ZFHX3: variants seen among roughly 807,000 people sequenced by gnomAD.
ZFHX3 encodes zinc finger homeobox 3.
ZFHX3 carries 42 observed loss-of-function variants against 279.1 expected under a neutral mutation model. That is an observed-to-expected ratio of 0.15 (90% CI 0.12 to 0.19). The LOEUF is 0.19. Among genes scored for constraint, ZFHX3 ranks in the 10% least tolerant of loss-of-function variants. The probability of loss-of-function intolerance (pLI) is 1.00; values close to 1 mark genes in which losing one functional copy is unlikely to be tolerated. For missense variants in ZFHX3, 4,981 were observed against 4,754.0 expected, an observed-to-expected ratio of 1.05 and a Z score of -1.40; for synonymous variants, 2,293 against 1,957.8, an observed-to-expected ratio of 1.17 and a Z score of -4.52.
chr16:72,926,822 T>C (rs995977911), intron 3 of ZFHX3, among the ~76,000 whole-genome samples: 2 of 152,230 alleles, frequency 1.3e-5, no homozygotes, highest in Non-Finnish European at 2.9e-5. Flanking sequence ...GGGTCTATCC[T>C]GGCCAACCTC....
At position 72,788,509 on chromosome 16, in the gene ZFHX3, A is replaced by G; in HGVS notation, c.9767T>C (p.Val3256Ala). Reference protein sequence around the residue: ...AHKGKGEPLPVPKKEKGEAPT... With the variant: ...AHKGKGEPLPAPKKEKGEAPT... The stretch of plus-strand genomic sequence containing the variant: ...GGCCTCTCCTTTCTCCTTCTTGGGG[A>G]CAGGCAGGGGTTCCCCTTTCCCTTT... The change falls in exon 10 of 10, where the codon GTC (valine) becomes GCC (alanine). Residue 3256 changes from valine to alanine, a missense_variant. By Grantham distance (64) the Val-to-Ala change is moderately conservative. Transcript: ENST00000268489. The G allele has an allele frequency of 6.2e-7, 1 of 1,614,054 alleles. No individual in the cohort carries two copies. Among genetic ancestry groups the G allele is most frequent in the South Asian group, 1.1e-5 (1 of 91,084 alleles).
Position 72,883,060 on chromosome 16 carries a change from T to C in ZFHX3, c.3448+6671A>G, listed in dbSNP as rs3812981. ...TGTGTGTGTGTGTGTGTGTAGCGGG[T>C]AGTGGGGAGGACACACTAGCATATA... On this transcript the variant is annotated intron_variant, in intron 4 of 9. Transcript: ENST00000268489. Among the ~76,000 whole-genome samples the C allele has an allele frequency of 7.3e-3, 751 of 102,676 alleles. 18 individuals carry two copies. Among genetic ancestry groups the C allele is most frequent in the East Asian group, 0.072 (244 of 3,400 alleles). The allele number at this position is 102,676 out of a possible 152,430, so 67.4% of individuals were successfully genotyped here.
intron 2 of ZFHX3, among the ~76,000 whole-genome samples, chr16:73,505,759 T>C (rs926237878): frequency 6.6e-6 from 1 of 152,228 alleles, no homozygotes; most frequent in African/African-American, 2.4e-5. Flanking sequence ...ACTGTAAGAC[T>C]GTCCTGCCTG....
In ZFHX3 at chr16:73,568,963, T is replaced by C. The variant is rs2020491146; in HGVS notation, c.-1547+111217A>G. Among the ~76,000 whole-genome samples, 2 of 151,964 alleles carry C rather than the reference T, an allele frequency of 1.3e-5. 1 individual carries two copies. The highest frequency in any genetic ancestry group is 4.2e-4 in the South Asian group (2 of 4,794). On this transcript the variant is annotated intron_variant, in intron 2 of 17. Coordinates refer to the ZFHX3 transcript ENST00000641206. ...TGTCATGTGCCTCCGGCGACTCAAC[T>C]TCACAGCTAAACTTCTCCAGCCCAG...
At chr16:73,586,607 T>C (rs932859003) in intron 2 of ZFHX3, among the ~76,000 whole-genome samples, 1 of 152,158 alleles carries the variant, frequency 6.6e-6, no homozygotes, top group Non-Finnish European at 1.5e-5. Context: ...ATGTACTTCA[T>C]GACACAGCCT....
chr16:73,070,715 T>C (rs1965811958), intron 8 of ZFHX3, among the ~76,000 whole-genome samples: 1 of 148,240 alleles, frequency 6.7e-6, no homozygotes, highest in Non-Finnish European at 1.5e-5. Flanking sequence ...TCATTGTCTC[T>C]CTCTCTCTCT....
chr16:73,072,065 A>T (rs189182043), intron 8 of ZFHX3, among the ~76,000 whole-genome samples: 31 of 152,308 alleles, frequency 2.0e-4, no homozygotes, highest in Admixed American at 2.0e-3. Flanking sequence ...CTTAGGGGTA[A>T]ATTCATAATC....
At chr16:73,134,256 G>A (rs760411780) in intron 6 of ZFHX3, among the ~76,000 whole-genome samples, 5 of 151,030 alleles carry the variant, frequency 3.3e-5, no homozygotes, top group Non-Finnish European at 5.9e-5. Flanking sequence ...TAGCAGGATC[G>A]GAACAGACTT....
At chr16:73,233,904 G>C (rs778922645) in intron 5 of ZFHX3, 1 of 152,128 alleles carries the variant, frequency 6.6e-6, no homozygotes, top group Non-Finnish European at 1.5e-5. Flanking sequence ...TACATTCCAA[G>C]TTTCCTGAGC....
At chr16:73,520,612 C>A (rs2019593631) in intron 2 of ZFHX3, among the ~76,000 whole-genome samples, 1 of 152,192 alleles carries the variant, frequency 6.6e-6, no homozygotes, top group Non-Finnish European at 1.5e-5. Context: ...AGTCTACTGT[C>A]TCACGCATTC....
chr16:73,859,215 G>A (rs2142388107), intron 1 of ZFHX3, among the ~76,000 whole-genome samples: 1 of 152,282 alleles, frequency 6.6e-6, no homozygotes, highest in Non-Finnish European at 1.5e-5. Flanking sequence ...ACATCCCCCA[G>A]TTCCTACTTC....
chr16:73,784,336 A>G (rs183562773), intron 1 of ZFHX3, among the ~76,000 whole-genome samples: 143 of 152,282 alleles, frequency 9.4e-4, no homozygotes, highest in Non-Finnish European at 1.7e-3. Context: ...CATGCTTAAC[A>G]TATCTAGTGC....
chr16:72,933,822 T>TTTTTTC (rs1959958347), intron 3 of ZFHX3, among the ~76,000 whole-genome samples: 1 of 113,516 alleles, frequency 8.8e-6, no homozygotes, highest in Non-Finnish European at 1.8e-5. Context: ...TCTTTTTTTT[T>TTTTTTC]TTTTTTTTTT....
intron 8 of ZFHX3, among the ~76,000 whole-genome samples, chr16:73,065,304 C>G (rs554463984): frequency 1.3e-5 from 2 of 152,304 alleles, no homozygotes; most frequent in East Asian, 3.9e-4. Flanking sequence ...ACAATCCCCC[C>G]ACCCCACCCC....
chr16:73,479,303 A>T (rs2018824188), intron 2 of ZFHX3, among the ~76,000 whole-genome samples: 1 of 152,084 alleles, frequency 6.6e-6, no homozygotes. Context: ...AAACAATTAC[A>T]CATTGCTGAA....
intron 4 of ZFHX3, among the ~76,000 whole-genome samples, chr16:72,839,931 T>C (rs2037303985): frequency 6.6e-6 from 1 of 152,154 alleles, no homozygotes; most frequent in Non-Finnish European, 1.5e-5. Flanking sequence ...AGCATCTGTC[T>C]TTCAATAACA....
At chr16:73,019,894 T>C (rs368858957) in intron 1 of ZFHX3, among the ~76,000 whole-genome samples, 1 of 152,224 alleles carries the variant, frequency 6.6e-6, no homozygotes, top group Non-Finnish European at 1.5e-5. Context: ...CTGGCATTCC[T>C]GGCTGGGCAT....
chr16:73,719,864 C>A (rs1045891905), intron 1 of ZFHX3, among the ~76,000 whole-genome samples: 1 of 152,044 alleles, frequency 6.6e-6, no homozygotes, highest in African/African-American at 2.4e-5. Flanking sequence ...AACTCCCAAC[C>A]TCAGGTGATC....
chr16:72,994,274 G>A (rs1162548111), intron 1 of ZFHX3, among the ~76,000 whole-genome samples: 1 of 152,162 alleles, frequency 6.6e-6, no homozygotes, highest in African/African-American at 2.4e-5. Flanking sequence ...CATTGTAAAT[G>A]AATATTTAAG....
Sources: gnomAD v4.1 joint callset for allele counts (sites outside exome capture counted in the v4.1 genomes callset) on GRCh38, gnomAD v4.1.1 for gene constraint, MANE v1.5 for transcripts, NCBI Gene and HGNC (gene_info 2026-07-23, HGNC 2026-07-21) for gene names.